The following AMPH variants were observed in gnomAD, a reference collection of about 807,000 sequenced individuals.
AMPH encodes the protein amphiphysin.
Under a neutral mutation model 99.1 loss-of-function variants are expected in AMPH, and 49 were observed. The ratio of observed to expected loss-of-function variants is 0.49; its 90% CI spans 0.39 to 0.63. The LOEUF is 0.63. Among genes scored for constraint, AMPH ranks in the 20% least tolerant of loss-of-function variants. The pLI is 0.00. For missense variants in AMPH, 759 were observed against 863.4 expected, an observed-to-expected ratio of 0.88 and a Z score of 1.52; for synonymous variants, 314 against 317.3, an observed-to-expected ratio of 0.99 and a Z score of 0.11.
At chr7:38,543,114 AGGCATGGT>A (rs201593304) in intron 1 of AMPH, among the ~76,000 whole-genome samples, 6,599 of 149,436 alleles carry the variant, frequency 0.044, 189 homozygotes, top group African/African-American at 0.08. Context: ...AAAAATAGCC[AGGCATGGT>A]GGCATGTGCT....
At chr7:38,554,250 G>GCA (rs1487869368) in intron 1 of AMPH, among the ~76,000 whole-genome samples, 3 of 152,150 alleles carry the variant, frequency 2.0e-5, no homozygotes, top group African/African-American at 7.2e-5. Context: ...CAGATAACCA[G>GCA]GTAAATCTGA....
At chr7:38,527,554 G>A (rs1347064325) in intron 2 of AMPH, among the ~76,000 whole-genome samples, 1 of 152,148 alleles carries the variant, frequency 6.6e-6, no homozygotes, top group Non-Finnish European at 1.5e-5. Context: ...TTCATTGTGA[G>A]TATATAGAAA....
intron 2 of AMPH, among the ~76,000 whole-genome samples, chr7:38,533,414 T>A (rs1256810628): frequency 6.6e-6 from 1 of 152,216 alleles, no homozygotes; most frequent in Non-Finnish European, 1.5e-5. Flanking sequence ...GTAAACTGAC[T>A]ACCTATCGCA....
chr7:38,601,805 C>T (rs1793256266), intron 1 of AMPH, among the ~76,000 whole-genome samples: 1 of 152,172 alleles, frequency 6.6e-6, no homozygotes, highest in Admixed American at 6.5e-5. Context: ...AATCAGATTG[C>T]TGGCAGCTCT....
intron 11 of AMPH, among the ~76,000 whole-genome samples, chr7:38,441,888 T>TACAC (rs61094157): frequency 2.5e-5 from 2 of 81,568 alleles, no homozygotes; most frequent in East Asian, 3.1e-4. Flanking sequence ...ATCATATACA[T>TACAC]ACACACACAC....
At chr7:38,461,967 T>A (rs1216942177) in intron 10 of AMPH, among the ~76,000 whole-genome samples, 1 of 152,240 alleles carries the variant, frequency 6.6e-6, no homozygotes, top group Non-Finnish European at 1.5e-5. Context: ...ATCTATGATT[T>A]TTTTGGACTT....
chr7:38,553,675 T>C (rs921482266), intron 1 of AMPH, among the ~76,000 whole-genome samples: 8 of 152,214 alleles, frequency 5.3e-5, no homozygotes, highest in Non-Finnish European at 1.2e-4. Context: ...TGAGCTTTCA[T>C]TACACTTCAT....
chr7:38,543,115 G>GGCATGGTGGCATGT lies in AMPH; in HGVS notation c.70-8118_70-8105dup, dbSNP rs1202295447. Reference sequence around the variant, plus strand: ...TCCCACAAAAAAAAAAAAATAGCCAGGCATGGTGGCATGTGCTTGTGGTCT... The same window carrying GGCATGGTGGCATGT: ...TCCCACAAAAAAAAAAAAATAGCCAGGCATGGTGGCATGTGCATGGTGGCATGTGCTTGTGGTCT... On this transcript the variant is annotated intron_variant, in intron 1 of 20. Coordinates refer to ENST00000356264, the MANE Select transcript of AMPH (RefSeq NM_001635.4). Among the ~76,000 whole-genome samples, 4 of 137,772 alleles carry GGCATGGTGGCATGT rather than the reference G, an allele frequency of 2.9e-5. No homozygotes were observed. In the East Asian group the frequency reaches 7.8e-4, roughly 27 times the overall value. The allele number at this position is 137,772 out of a possible 152,430, so 90.4% of individuals were successfully genotyped here.
chr7:38,393,277 T>G (rs35130768), intron 18 of AMPH, among the ~76,000 whole-genome samples: 18,986 of 152,268 alleles, frequency 0.12, 1,262 homozygotes, highest in Middle Eastern at 0.17. Context: ...CCTGGAGAAA[T>G]TTTTGAAAAC....
At chr7:38,483,590 G>T (rs185690937) in intron 5 of AMPH, among the ~76,000 whole-genome samples, 197 of 152,214 alleles carry the variant, frequency 1.3e-3, no homozygotes, top group African/African-American at 4.4e-3. Context: ...GGGGTGCTAA[G>T]AACAAAGAAA....
chr7:38,417,354 T>G (rs374538701), intron 17 of AMPH, among the ~76,000 whole-genome samples: 3 of 152,220 alleles, frequency 2.0e-5, no homozygotes, highest in African/African-American at 7.2e-5. Flanking sequence ...GTGGTGCATA[T>G]AGGAATCCTT....
intron 1 of AMPH, among the ~76,000 whole-genome samples, chr7:38,628,101 G>T (rs1324850328): frequency 6.6e-6 from 1 of 152,128 alleles, no homozygotes; most frequent in East Asian, 1.9e-4. Context: ...TAAAGTTTTT[G>T]CCCTTACTAA....
chr7:38,496,090 G>A (rs1003840907), intron 3 of AMPH, among the ~76,000 whole-genome samples: 40 of 152,138 alleles, frequency 2.6e-4, no homozygotes, highest in Non-Finnish European at 1.0e-4. Flanking sequence ...TGGAAACAGG[G>A]AGAGGAGAGG....
At chr7:38,560,877 A>G (rs1410232650) in intron 1 of AMPH, among the ~76,000 whole-genome samples, 1 of 152,128 alleles carries the variant, frequency 6.6e-6, no homozygotes, top group East Asian at 1.9e-4. Flanking sequence ...AAGTCTGGCT[A>G]TTTTATTTTC....
intron 1 of AMPH, among the ~76,000 whole-genome samples, chr7:38,572,039 G>A (rs112558803): frequency 0.087 from 13,157 of 151,954 alleles, 743 homozygotes; most frequent in East Asian, 0.24. Flanking sequence ...CCAAGTAGCT[G>A]GGATTACAGG....
intron 20 of AMPH, among the ~76,000 whole-genome samples, chr7:38,388,831 A>G (rs1177335084): frequency 6.6e-6 from 1 of 152,028 alleles, no homozygotes; most frequent in African/African-American, 2.4e-5. Flanking sequence ...TTTTGTAGAG[A>G]TGAGGTCTTG....
At chr7:38,414,911 G>A (rs1785323286) in intron 17 of AMPH, among the ~76,000 whole-genome samples, 1 of 152,138 alleles carries the variant, frequency 6.6e-6, no homozygotes, top group Admixed American at 6.5e-5. Context: ...TGATTTGCCT[G>A]CCTTGCCCTC....
chr7:38,473,093 T>G (rs1169981079), intron 7 of AMPH, among the ~76,000 whole-genome samples: 1 of 152,188 alleles, frequency 6.6e-6, no homozygotes, highest in Non-Finnish European at 1.5e-5. Flanking sequence ...CCCCAAAGTT[T>G]CATAATTGGC....
chr7:38,571,094 GAATA>G (rs1791967521), intron 1 of AMPH, among the ~76,000 whole-genome samples: 1 of 59,544 alleles, frequency 1.7e-5, no homozygotes, highest in Non-Finnish European at 2.8e-5. Flanking sequence ...TTCATATATT[GAATA>G]TATATATTCA....
Sources: gnomAD v4.1 joint callset for allele counts (sites outside exome capture counted in the v4.1 genomes callset) on GRCh38, gnomAD v4.1.1 for gene constraint, MANE v1.5 for transcripts, NCBI Gene and HGNC (gene_info 2026-07-23, HGNC 2026-07-21) for gene names.